Variants in POLR1A observed in about 807,000 individuals in gnomAD.
The protein encoded by POLR1A is DNA-directed RNA polymerase I subunit RPA1.
A neutral mutation model predicts 205.3 loss-of-function variants in POLR1A; 84 were observed. That is an observed-to-expected ratio of 0.41 (90% CI 0.34 to 0.49). POLR1A has a LOEUF of 0.49. Among genes scored for constraint, POLR1A ranks in the 20% least tolerant of loss-of-function variants. The pLI, the probability that POLR1A is intolerant of heterozygous loss-of-function variation, is 0.22. For missense variants in POLR1A, 1,645 were observed against 2,204.5 expected, an observed-to-expected ratio of 0.75 and a Z score of 5.08; for synonymous variants, 799 against 863.7, an observed-to-expected ratio of 0.93 and a Z score of 1.31.
chr2:86,039,235 C>A, intron 26 of POLR1A, 92 bp downstream of exon 26: 1 of 1,382,838 alleles, frequency 7.2e-7, no homozygotes, highest in South Asian at 1.3e-5. Context: ...AGCCTAGGGT[C>A]AGAGCAGTAA....
chr2:86,052,057 G>A (rs532329203), intron 16 of POLR1A, among the ~76,000 whole-genome samples: 23 of 152,280 alleles, frequency 1.5e-4, no homozygotes, highest in South Asian at 8.3e-4. Context: ...CAATTCTCCC[G>A]CCTCAGCCTC....
At chr2:86,029,585 G>T (rs1219907459) in intron 31 of POLR1A, among the ~76,000 whole-genome samples, 1 of 144,632 alleles carries the variant, frequency 6.9e-6, no homozygotes, top group African/African-American at 2.7e-5. Context: ...CTTCGGGAGG[G>T]TCTTAATTTC....
At chr2:86,094,852 T>G (rs1406210039) in intron 3 of POLR1A, among the ~76,000 whole-genome samples, 2 of 152,172 alleles carry the variant, frequency 1.3e-5, no homozygotes, top group African/African-American at 4.8e-5. Flanking sequence ...CCCTCCTCGG[T>G]GTGGAGCCCT....
Position 86,077,999 on chromosome 2 carries a change from G to A in POLR1A, c.1258-18C>T, listed in dbSNP as rs761994456. 4.3e-6 allele frequency: 7 copies of A among 1,613,600 alleles called. No individual in the cohort carries two copies. The highest frequency in any genetic ancestry group is 5.9e-6 in the Non-Finnish European group (7 of 1,179,816). On this transcript the variant is annotated intron_variant, in intron 10 of 33. Transcript: ENST00000263857. ...TCCAGGATCTTTATGGAGAAAAAAG[G>A]TCATAAAAAACATTCAACAAGAATT...
At chr2:86,078,645 A>C (rs2104420126) in intron 9 of POLR1A, among the ~76,000 whole-genome samples, 1 of 152,362 alleles carries the variant, frequency 6.6e-6, no homozygotes, top group African/African-American at 2.4e-5. Flanking sequence ...AAGTTCTGTT[A>C]TCTTGCCAGA....
chr2:86,105,237 C>A (rs1359544206), intron 1 of POLR1A, among the ~76,000 whole-genome samples: 6 of 152,138 alleles, frequency 3.9e-5, no homozygotes, highest in African/African-American at 1.4e-4. Context: ...AAAATGAAGA[C>A]TAAAGAGAGT....
At chr2:86,095,339 G>A (rs1181565961) in intron 3 of POLR1A, among the ~76,000 whole-genome samples, 7 of 152,186 alleles carry the variant, frequency 4.6e-5, no homozygotes. Context: ...CAGTAATGTA[G>A]ATCCTAGCCA....
intron 13 of POLR1A, chr2:86,065,798 G>A (rs866043705): frequency 6.9e-5 from 17 of 246,262 alleles, no homozygotes; most frequent in Middle Eastern, 2.5e-3. Flanking sequence ...CCTAAATTTG[G>A]TCTGGCTGCT....
chr2:86,092,092 G>A (rs1163305660), intron 3 of POLR1A, among the ~76,000 whole-genome samples: 1 of 151,928 alleles, frequency 6.6e-6, no homozygotes, highest in Non-Finnish European at 1.5e-5. Context: ...CTCCAGCCTG[G>A]GTAACAGAGC....
At chr2:86,081,460 G>A (rs944129023) in intron 8 of POLR1A, 141 bp downstream of exon 8, 5 of 602,202 alleles carry the variant, frequency 8.3e-6, no homozygotes, top group Non-Finnish European at 1.5e-5. Context: ...AGGAAAGCAA[G>A]CCCTCCCACC....
Position 86,028,908 on chromosome 2 carries a change from G to T in POLR1A, c.4780-197C>A. 1.7e-6 allele frequency: 1 copy of T among 574,440 alleles called. No homozygotes were observed. Among genetic ancestry groups the T allele is most frequent in the Non-Finnish European group, 3.1e-6 (1 of 317,804 alleles). 35.6% of individuals were successfully genotyped at this position (574,440 alleles called of 1,614,324 possible). A position where few individuals can be genotyped will look rare whatever the true frequency, so the allele number is the denominator to read the frequency against. On this transcript the variant is annotated intron_variant, in intron 31 of 33. Coordinates refer to ENST00000263857, the MANE Select transcript of POLR1A (RefSeq NM_015425.6). This position sits in a 1 kb window ranked among gnomAD's most constrained non-coding sequence, Gnocchi z 4.5. ...AGCTGCTGACGGCTCGCTGGCCGGG[G>T]CCCAAGGTCTGTATCGTCATTACAA...
At chr2:86,068,115 C>T (rs923105004) in intron 13 of POLR1A, among the ~76,000 whole-genome samples, 2 of 152,132 alleles carry the variant, frequency 1.3e-5, no homozygotes, top group African/African-American at 4.8e-5. Flanking sequence ...GCACCGTATT[C>T]AATCAAAATC....
chr2:86,028,508 C>T lies in POLR1A; in HGVS notation c.4897+86G>A, dbSNP rs1057140820. 13 of 928,590 alleles carry T rather than the reference C, an allele frequency of 1.4e-5. No individual in the cohort carries two copies. The East Asian group carries it at 1.4e-4, about 10-fold the overall frequency. The allele number at this position is 928,590 out of a possible 1,614,324, so 57.5% of individuals were successfully genotyped here. On this transcript the variant is annotated intron_variant, in intron 32 of 33. Coordinates refer to ENST00000263857, the MANE Select transcript of POLR1A (RefSeq NM_015425.6). The surrounding 1 kb of genome is among the most constrained non-coding windows in gnomAD (Gnocchi z 4.5). ...GTGCTGGACTGACTCGGTGCTGGAC[C>T]GACACGGTCCTGACCCTCCTGCCGA...
In POLR1A at chr2:86,077,798, T is replaced by TGC. The variant is rs201036083; in HGVS notation, c.1380+59_1380+60dup. On this transcript the variant is annotated intron_variant, in intron 11 of 33. Coordinates refer to ENST00000263857, the MANE Select transcript of POLR1A (RefSeq NM_015425.6). Reference sequence around the variant, plus strand: ...CCACCCACGGGGAGCAAATGAGCCCTGCACGCGCGCGCGCACACACACACA... The same window carrying TGC: ...CCACCCACGGGGAGCAAATGAGCCCTGCGCACGCGCGCGCGCACACACACACA... 1,883 of 1,543,060 alleles carry TGC rather than the reference T, an allele frequency of 1.2e-3. 27 individuals are homozygous for TGC. The African/African-American group carries it at 0.023, about 19-fold the overall frequency.
At chr2:86,096,680 C>T (rs1309096940) in intron 3 of POLR1A, among the ~76,000 whole-genome samples, 1 of 152,172 alleles carries the variant, frequency 6.6e-6, no homozygotes, top group African/African-American at 2.4e-5. Flanking sequence ...GGGAAAAGGA[C>T]AGTGCCTTTA....
At position 86,028,516 on chromosome 2, in the gene POLR1A, T is replaced by C; in HGVS notation, c.4897+78A>G. The C allele has an allele frequency of 2.0e-6, 2 of 1,021,262 alleles. No individual in the cohort carries two copies. The highest frequency in any genetic ancestry group is 3.1e-6 in the Non-Finnish European group (2 of 640,460). 63.3% of individuals were successfully genotyped at this position (1,021,262 alleles called of 1,614,324 possible). On this transcript the variant is annotated intron_variant, in intron 32 of 33. Coordinates refer to ENST00000263857, the MANE Select transcript of POLR1A (RefSeq NM_015425.6). The surrounding 1 kb of genome is among the most constrained non-coding windows in gnomAD (Gnocchi z 4.5). ...CTGACTCGGTGCTGGACCGACACGG[T>C]CCTGACCCTCCTGCCGAGCCTTCTG...
chr2:86,031,383 G>A lies in POLR1A; in HGVS notation c.4525C>T (p.His1509Tyr), dbSNP rs1309145000. 11 of 1,604,908 alleles carry A rather than the reference G, an allele frequency of 6.9e-6. No homozygotes were observed. The Admixed American group carries it at 1.7e-4, about 25-fold the overall frequency. The change falls in exon 30 of 34, where the codon CAC (histidine) becomes TAC (tyrosine). Residue 1509 changes from histidine to tyrosine, a missense_variant. Around this residue, in one of 16 missense-constraint regions of POLR1A, gnomAD observed 394 missense variants for 468.5 expected, o/e 0.84. Transcript: ENST00000263857. ...ERRVQAVREI[H>Y]PFIDDYQYDT... ...TACTGGTAGTCATCTATGAACGGGTGGATCTCACGCACAGCCTGGACCCGG... is the reference window on the plus strand; with the variant it reads ...TACTGGTAGTCATCTATGAACGGGTAGATCTCACGCACAGCCTGGACCCGG...
chr2:86,074,069 C>T (rs1275915032), intron 12 of POLR1A, among the ~76,000 whole-genome samples: 1 of 152,180 alleles, frequency 6.6e-6, no homozygotes, highest in African/African-American at 2.4e-5. Flanking sequence ...GTAATACAGG[C>T]AGTGTATTAC....
At chr2:86,053,497 A>G (rs1014432723) in intron 15 of POLR1A, among the ~76,000 whole-genome samples, 1 of 152,134 alleles carries the variant, frequency 6.6e-6, no homozygotes, top group Non-Finnish European at 1.5e-5. Flanking sequence ...AACATCCTCT[A>G]AGGCCTGAAT....
Sources: gnomAD v4.1 joint callset for allele counts (sites outside exome capture counted in the v4.1 genomes callset) on GRCh38, gnomAD v4.1.1 for gene constraint, gnomAD v4.1.1 regional missense constraint, Gnocchi (gnomAD v3.1) non-coding constraint, MANE v1.5 for transcripts, NCBI Gene and HGNC (gene_info 2026-07-23, HGNC 2026-07-21) for gene names.